Variants in HSPA12A observed in about 807,000 individuals in gnomAD.
HSPA12A encodes the protein heat shock 70 kDa protein 12A.
A neutral mutation model predicts 69.2 loss-of-function variants in HSPA12A; 28 were observed. That is an observed-to-expected ratio of 0.40 (90% CI 0.30 to 0.55). The LOEUF is 0.55. Among genes scored for constraint, HSPA12A ranks in the 20% least tolerant of loss-of-function variants. HSPA12A has a pLI of 0.38. For missense variants in HSPA12A, 686 were observed against 900.7 expected, an observed-to-expected ratio of 0.76 and a Z score of 3.05; for synonymous variants, 345 against 370.5, an observed-to-expected ratio of 0.93 and a Z score of 0.79.
At chr10:116,713,124 T>C (rs1278124069) in intron 1 of HSPA12A, among the ~76,000 whole-genome samples, 1 of 149,792 alleles carries the variant, frequency 6.7e-6, no homozygotes, top group Non-Finnish European at 1.5e-5. Flanking sequence ...CTTATATGCC[T>C]GCCTGCAGTG....
chr10:116,794,122 G>A (rs994206657), intron 2 of HSPA12A, among the ~76,000 whole-genome samples: 3 of 151,958 alleles, frequency 2.0e-5, no homozygotes, highest in East Asian at 1.9e-4. Context: ...GGAGAATGGC[G>A]TGAACCCGGG....
chr10:116,717,749 C>G (rs1029634294), intron 1 of HSPA12A, among the ~76,000 whole-genome samples: 6 of 152,160 alleles, frequency 3.9e-5, no homozygotes, highest in Admixed American at 6.6e-5. Flanking sequence ...ACAAGCAGAG[C>G]CCCCACCTTT....
chr10:116,839,816 G>A, intron 1 of HSPA12A, among the ~76,000 whole-genome samples: 1 of 152,062 alleles, frequency 6.6e-6, no homozygotes, highest in East Asian at 1.9e-4. Context: ...TGATCCTGAT[G>A]TGGCAGCTGA....
intron 2 of HSPA12A, among the ~76,000 whole-genome samples, chr10:116,751,849 C>A (rs953492453): frequency 1.3e-5 from 2 of 152,132 alleles, no homozygotes; most frequent in Non-Finnish European, 2.9e-5. Flanking sequence ...CTCCTCTGCT[C>A]TCTCCTGCTC....
intron 10 of HSPA12A, among the ~76,000 whole-genome samples, chr10:116,678,977 C>G (rs1849322266): frequency 6.6e-6 from 1 of 151,896 alleles, no homozygotes; most frequent in South Asian, 2.1e-4. Context: ...TATTAGAAAT[C>G]TATTATTTTT....
chr10:116,790,092 CTTTTTTTTTTTTTT>C (rs140785704), intron 2 of HSPA12A, among the ~76,000 whole-genome samples: 2 of 69,122 alleles, frequency 2.9e-5, no homozygotes, highest in Admixed American at 2.4e-4. Flanking sequence ...GATAATCTTT[CTTTTTTTTTTTTTT>C]TTTTTTTTTT....
chr10:116,824,756 C>T (rs549504029), intron 2 of HSPA12A, among the ~76,000 whole-genome samples: 1 of 152,312 alleles, frequency 6.6e-6, no homozygotes, highest in Admixed American at 6.5e-5. Flanking sequence ...GCCTCAGCCT[C>T]CTGAGTAGCT....
intron 2 of HSPA12A, among the ~76,000 whole-genome samples, chr10:116,749,201 C>T (rs190912236): frequency 7.7e-4 from 118 of 152,268 alleles, no homozygotes; most frequent in Admixed American, 1.6e-3. Context: ...AGCCCAGTGC[C>T]GAATGACTTT....
At chr10:116,750,511 C>A in intron 2 of HSPA12A, 1 of 458,484 alleles carries the variant, frequency 2.2e-6, no homozygotes. Context: ...GTCAGAATGT[C>A]GTGGATTATA....
intron 1 of HSPA12A, among the ~76,000 whole-genome samples, chr10:116,741,897 C>G (rs2133069493): frequency 6.6e-6 from 1 of 152,352 alleles, no homozygotes; most frequent in East Asian, 1.9e-4. Context: ...CTGCAGCCCC[C>G]ACTCCTGGCT....
intron 1 of HSPA12A, among the ~76,000 whole-genome samples, chr10:116,836,768 AACACACAC>A (rs75862523): frequency 1.6e-4 from 23 of 146,606 alleles, no homozygotes; most frequent in South Asian, 8.8e-4. Flanking sequence ...AAACGAACCG[AACACACAC>A]ACACACACAC....
chr10:116,699,483 T>G (rs1213186444), intron 4 of HSPA12A, among the ~76,000 whole-genome samples: 4 of 120,864 alleles, frequency 3.3e-5, no homozygotes, highest in African/African-American at 1.0e-4. Context: ...AACAAACTCA[T>G]TACTGCCAGG....
rs545455203 is a variant in HSPA12A at position 116,710,126 on chromosome 10, C to G, written c.41-2841G>C. On this transcript the variant is annotated intron_variant, in intron 1 of 11. Coordinates refer to ENST00000369209, the MANE Select transcript of HSPA12A (RefSeq NM_025015.3). This position sits in a 1 kb window ranked among gnomAD's most constrained non-coding sequence, Gnocchi z 4.1. ...TCTGCCTCCCCACTAGGGGTTCCAGCCAGATGGTCCTTCCACCTGTTGGTG... is the reference window on the plus strand; with the variant it reads ...TCTGCCTCCCCACTAGGGGTTCCAGGCAGATGGTCCTTCCACCTGTTGGTG... Among the ~76,000 whole-genome samples the G allele has an allele frequency of 5.9e-4, 90 of 152,310 alleles. No homozygotes were observed. Among genetic ancestry groups the G allele is most frequent in the Admixed American group, 1.2e-3 (18 of 15,302 alleles).
rs375128427 is a variant in HSPA12A at position 116,693,035 on chromosome 10, G to A, written c.547-568C>T. Reference sequence around the variant, plus strand: ...ACCACTGTGCAGTTAGAAAGTAGCAGAGCCAAAATTTAGACCCAAAGCCTA... The same window carrying A: ...ACCACTGTGCAGTTAGAAAGTAGCAAAGCCAAAATTTAGACCCAAAGCCTA... On this transcript the variant is annotated intron_variant, in intron 5 of 11. Coordinates refer to ENST00000369209, the MANE Select transcript of HSPA12A (RefSeq NM_025015.3). 2.9e-4 allele frequency among the ~76,000 whole-genome samples: 44 copies of A among 152,282 alleles called. No homozygotes were observed. The East Asian group carries it at 7.5e-3, about 26-fold the overall frequency.
At chr10:116,755,098 C>T (rs1357722347) in intron 2 of HSPA12A, among the ~76,000 whole-genome samples, 5 of 151,954 alleles carry the variant, frequency 3.3e-5, no homozygotes, top group African/African-American at 9.7e-5. Flanking sequence ...GGATTACAGG[C>T]GCCTGCCACC....
At chr10:116,744,262 C>A (rs1158142529), upstream of HSPA12A, among the ~76,000 whole-genome samples, 1 of 152,236 alleles carries the variant, frequency 6.6e-6, no homozygotes, top group Non-Finnish European at 1.5e-5. Flanking sequence ...CATTTCACCA[C>A]CACCAGCAAC....
rs1255059357 is a variant in HSPA12A, at chr10:116,700,989, T to C, written c.395A>G (p.Gln132Arg). The C allele has an allele frequency of 6.2e-7, 1 of 1,613,920 alleles. No homozygotes were observed. The highest frequency in any genetic ancestry group is 1.3e-5 in the African/African-American group (1 of 74,878). The change falls in exon 4 of 12, where the codon CAG becomes CGG. Residue 132 changes from glutamine (Q) to arginine (R), a missense_variant. Gln to Arg is a conservative substitution (Grantham distance 43). Transcript: ENST00000369209. The part of the protein sequence containing the change: ...YHDLDPNEAK[Q>R]WLYLEKFKMK... ...CTTGAACTTCTCCAGGTACAGCCAC[T>C]GCTTGGCCTCATTGGGATCCAGGTC...
At chr10:116,828,537 A>T (rs2133206424) in intron 2 of HSPA12A, among the ~76,000 whole-genome samples, 1 of 152,344 alleles carries the variant, frequency 6.6e-6, no homozygotes, top group Non-Finnish European at 1.5e-5. Flanking sequence ...TTAAAACTGT[A>T]ACTCGATGCA....
At chr10:116,773,571 A>G (rs1844262799) in intron 2 of HSPA12A, among the ~76,000 whole-genome samples, 1 of 152,160 alleles carries the variant, frequency 6.6e-6, no homozygotes, top group South Asian at 2.1e-4. Context: ...TGGCCCCTCA[A>G]CCTTGACTGA....
Sources: allele counts gnomAD v4.1 joint callset (sites outside exome capture counted in the v4.1 genomes callset), GRCh38; gene constraint gnomAD v4.1.1; non-coding constraint Gnocchi (gnomAD v3.1); transcripts MANE v1.5; gene names NCBI Gene and HGNC (gene_info 2026-07-23, HGNC 2026-07-21).